The following BRSK2 variants were observed in gnomAD, a reference collection of about 807,000 sequenced individuals.
BRSK2 encodes the protein BR serine/threonine kinase 2.
Under a neutral mutation model 83.3 loss-of-function variants are expected in BRSK2, and 19 were observed. The observed-to-expected ratio is 0.23, with a 90% CI of 0.16 to 0.33. The LOEUF (loss-of-function observed/expected upper bound fraction) is 0.33, where lower values mean the gene tolerates loss of function less well. Ranked by LOEUF, BRSK2 falls within the 10% of genes least tolerant of loss-of-function variation. The pLI is 1.00. For synonymous variants in BRSK2, 519 were observed against 435.4 expected, an observed-to-expected ratio of 1.19 and a Z score of -2.39; for missense variants, 798 against 1,042.3, an observed-to-expected ratio of 0.77 and a Z score of 3.23.
intron 1 of BRSK2, among the ~76,000 whole-genome samples, chr11:1,426,806 G>A (rs1654535239): frequency 1.3e-5 from 2 of 152,038 alleles, no homozygotes; most frequent in African/African-American, 2.4e-5. Context: ...TGCTGGGGAG[G>A]AGCTCAGGAT....
At chr11:1,391,213 CA>C (rs957403615) in intron 1 of BRSK2, among the ~76,000 whole-genome samples, 7 of 152,222 alleles carry the variant, frequency 4.6e-5, no homozygotes, top group Non-Finnish European at 5.9e-5. Context: ...GGCACATTCA[CA>C]GAGTCGCCTT....
At position 1,442,571 on chromosome 11, in the gene BRSK2, G is replaced by A; in HGVS notation, c.495G>A (p.Leu165=). Residue 165 remains leucine (L), a synonymous_variant, in exon 5 of 20, where the codon CTG becomes CTA. Coordinates refer to ENST00000528841, the MANE Select transcript of BRSK2 (RefSeq NM_001256627.2). ...IRIADFGMAS[L]QVGDSLLETS... The stretch of plus-strand genomic sequence containing the variant: ...TCGCAGACTTTGGCATGGCGTCCCT[G>A]CAGGTTGGCGACAGCCTGTTGGAGA... The A allele has an allele frequency of 6.2e-7, 1 of 1,612,960 alleles. No homozygotes were observed. The highest frequency in any genetic ancestry group is 8.5e-7 in the Non-Finnish European group (1 of 1,179,716).
intron 1 of BRSK2, among the ~76,000 whole-genome samples, chr11:1,398,613 C>T (rs1846269108): frequency 1.3e-5 from 2 of 152,176 alleles, no homozygotes. Context: ...CGCAGGGCAG[C>T]ACAGAGGGCC....
intron 19 of BRSK2, among the ~76,000 whole-genome samples, 158 bp from the exon 20 acceptor site, chr11:1,460,342 C>G (rs985092545): frequency 3.3e-5 from 5 of 152,132 alleles, no homozygotes; most frequent in South Asian, 2.1e-4. Flanking sequence ...TCGGCCCCAT[C>G]TCAGCCTCAT....
chr11:1,447,829 G>A (rs369007991), intron 12 of BRSK2: 49 of 1,597,284 alleles, frequency 3.1e-5, no homozygotes, highest in Admixed American at 8.3e-5. Flanking sequence ...CCTGGATATC[G>A]CTGAGGCCCA....
chr11:1,439,480 A>T (rs1424423180), intron 3 of BRSK2, among the ~76,000 whole-genome samples: 8 of 142,144 alleles, frequency 5.6e-5, no homozygotes, highest in African/African-American at 2.1e-4. Flanking sequence ...TGGCTTCCTC[A>T]TGGTGACACG....
chr11:1,439,548 G>A lies in BRSK2; in HGVS notation c.272+1157G>A, dbSNP rs983565132. 6.6e-5 allele frequency among the ~76,000 whole-genome samples: 10 copies of A among 151,928 alleles called. 1 individual carries two copies. Among genetic ancestry groups the A allele is most frequent in the South Asian group, 6.2e-4 (3 of 4,822 alleles). ...CTCGGAGGGGAGGGCAGGGGAGTGC[G>A]GGGGGGATGGGCACAGCAGGCCAAG... On this transcript the variant is annotated intron_variant, in intron 3 of 19. Transcript: ENST00000528841.
At chr11:1,436,321 TCCAG>T (rs2133011746) in intron 2 of BRSK2, among the ~76,000 whole-genome samples, 187 bp downstream of exon 2, 1 of 152,180 alleles carries the variant, frequency 6.6e-6, no homozygotes, top group African/African-American at 2.4e-5. Context: ...TGCTCCTCCC[TCCAG>T]CCCTGCCCAC....
chr11:1,411,653 G>A (rs1847518474), intron 1 of BRSK2: 1 of 1,534,524 alleles, frequency 6.5e-7, no homozygotes, highest in Admixed American at 2.0e-5. Flanking sequence ...ACGCTCCCTG[G>A]CTGGCCAGGG....
At chr11:1,400,923 G>T (rs1271878204) in intron 1 of BRSK2, among the ~76,000 whole-genome samples, 1 of 152,266 alleles carries the variant, frequency 6.6e-6, no homozygotes, top group African/African-American at 2.4e-5. Context: ...GCTGCCGGCG[G>T]CGGGGCCGTG....
chr11:1,425,354 G>A (rs1564825309), intron 1 of BRSK2, among the ~76,000 whole-genome samples: 1 of 152,192 alleles, frequency 6.6e-6, no homozygotes, highest in South Asian at 2.1e-4. Flanking sequence ...GCACGTGGAC[G>A]CCCTGCAGGG....
Position 1,451,429 on chromosome 11 carries a change from C to T in BRSK2, c.1544+10C>T. On this transcript the variant is annotated intron_variant, in intron 15 of 19. Transcript: ENST00000528841. ...CAGAGTCGTCCCCAGAGTAAGTGGC[C>T]CCTGCTGGAGGCCTCCTGGTACCTG... 1.2e-6 allele frequency: 2 copies of T among 1,612,606 alleles called. No individual in the cohort carries two copies. Among genetic ancestry groups the T allele is most frequent in the South Asian group, 2.2e-5 (2 of 91,086 alleles).
chr11:1,396,581 C>G (rs1258923037), intron 1 of BRSK2, among the ~76,000 whole-genome samples: 2 of 152,252 alleles, frequency 1.3e-5, no homozygotes, highest in African/African-American at 2.4e-5. Flanking sequence ...CCGTCGGCCA[C>G]TGGCGCTCAG....
At position 1,390,249 on chromosome 11, in the gene BRSK2, C is replaced by T. The variant is rs1462846792; in HGVS notation, c.-36C>T. On this transcript the variant is annotated 5_prime_UTR_variant, in exon 1 of 20. Transcript: ENST00000528841. This position sits in a 1 kb window ranked among gnomAD's most constrained non-coding sequence, Gnocchi z 6.8. ...TGGGCGGCCCCTCCCTGCCCGCGCG[C>T]CCGGGCGCCCCTGGCCGGCGCCGGG... 17 of 993,382 alleles carry T rather than the reference C, an allele frequency of 1.7e-5. No individual in the cohort carries two copies. Among genetic ancestry groups the T allele is most frequent in the Non-Finnish European group, 2.0e-5 (17 of 830,148 alleles). The allele number at this position is 993,382 out of a possible 1,614,324, so 61.5% of individuals were successfully genotyped here. A position where few individuals can be genotyped will look rare whatever the true frequency, so the allele number is the denominator to read the frequency against.
intron 18 of BRSK2, 146 bp from the exon 19 acceptor site, chr11:1,459,046 C>G: frequency 1.3e-6 from 1 of 766,598 alleles, no homozygotes; most frequent in South Asian, 1.6e-5. Context: ...TGGCTCTGGC[C>G]CCCCCAGTAT....
chr11:1,449,921 T>A, intron 13 of BRSK2, 85 bp downstream of exon 13: 1 of 1,059,838 alleles, frequency 9.4e-7, no homozygotes, highest in Non-Finnish European at 1.4e-6. Flanking sequence ...GGGGGCAGCC[T>A]CGCGGACCCT....
intron 1 of BRSK2, among the ~76,000 whole-genome samples, chr11:1,396,065 C>T (rs751328019): frequency 5.3e-5 from 8 of 152,290 alleles, no homozygotes; most frequent in South Asian, 4.1e-4. Context: ...CTCTGGGTCC[C>T]CACCATCGTT....
In BRSK2 at chr11:1,461,164, G is replaced by C; in HGVS notation, c.*441G>C. On this transcript the variant is annotated 3_prime_UTR_variant, in exon 20 of 20. Coordinates refer to ENST00000528841, the MANE Select transcript of BRSK2 (RefSeq NM_001256627.2). Reference sequence around the variant, plus strand: ...CCCGTGGGAGGAAGGCCAGGCTCGGGGGAGCCTCCTCCAGCCCGGCCGACC... The same window carrying C: ...CCCGTGGGAGGAAGGCCAGGCTCGGCGGAGCCTCCTCCAGCCCGGCCGACC... 1.0e-6 allele frequency: 1 copy of C among 995,932 alleles called. No individual in the cohort carries two copies. The highest frequency in any genetic ancestry group is 1.7e-5 in the African/African-American group (1 of 59,354). 61.7% of individuals were successfully genotyped at this position (995,932 alleles called of 1,614,324 possible).
At chr11:1,403,514 C>G (rs1846630316) in intron 1 of BRSK2, among the ~76,000 whole-genome samples, 1 of 152,230 alleles carries the variant, frequency 6.6e-6, no homozygotes, top group African/African-American at 2.4e-5. Context: ...AACCCGCAGG[C>G]TCATGGGATG....
Sources: gnomAD v4.1 joint callset for allele counts (sites outside exome capture counted in the v4.1 genomes callset) on GRCh38, gnomAD v4.1.1 for gene constraint, Gnocchi (gnomAD v3.1) non-coding constraint, MANE v1.5 for transcripts, NCBI Gene and HGNC (gene_info 2026-07-23, HGNC 2026-07-21) for gene names.